MAP3K2: variants seen among roughly 807,000 people sequenced by gnomAD.
MAP3K2 encodes the protein mitogen-activated protein kinase kinase kinase 2.
Under a neutral mutation model 80.3 loss-of-function variants are expected in MAP3K2, and 24 were observed. The observed-to-expected ratio is 0.30, with a 90% CI of 0.22 to 0.42. The LOEUF is 0.42. Among genes scored for constraint, MAP3K2 ranks in the 10% least tolerant of loss-of-function variants. The pLI, the probability that MAP3K2 is intolerant of heterozygous loss-of-function variation, is 1.00. For synonymous variants in MAP3K2, 244 were observed against 253.7 expected (o/e 0.96, Z 0.36); for missense variants, 608 against 750.1 (o/e 0.81, Z 2.21).
intron 16 of MAP3K2, among the ~76,000 whole-genome samples, chr2:127,308,311 T>C (rs1573975395): frequency 6.6e-6 from 1 of 152,228 alleles, no homozygotes; most frequent in East Asian, 1.9e-4. Flanking sequence ...AGTAACTATT[T>C]ATTTACTTCT....
At chr2:127,332,135 A>G (rs770496812) in intron 5 of MAP3K2, among the ~76,000 whole-genome samples, 33 of 152,254 alleles carry the variant, frequency 2.2e-4, no homozygotes, top group Non-Finnish European at 4.4e-4. Context: ...TTGGTATCAT[A>G]GAACAAGCCT....
intron 1 of MAP3K2, among the ~76,000 whole-genome samples, chr2:127,353,843 T>C (rs1453545941): frequency 3.3e-5 from 5 of 152,018 alleles, no homozygotes; most frequent in Non-Finnish European, 5.9e-5. Context: ...GGATGGTTGC[T>C]GTGTCTGTGT....
chr2:127,328,570 A>C (rs1016932061), intron 7 of MAP3K2, among the ~76,000 whole-genome samples: 1 of 152,214 alleles, frequency 6.6e-6, no homozygotes, highest in Non-Finnish European at 1.5e-5. Context: ...TCTTTCACCA[A>C]ATTTTAAAAC....
At chr2:127,327,422 TAGG>T (rs951925670) in intron 7 of MAP3K2, among the ~76,000 whole-genome samples, 1 of 152,158 alleles carries the variant, frequency 6.6e-6, no homozygotes, top group African/African-American at 2.4e-5. Flanking sequence ...GTAAAATGAT[TAGG>T]AGCTCAATTT....
chr2:127,362,569 T>A (rs1686910036), intron 1 of MAP3K2, among the ~76,000 whole-genome samples: 1 of 152,210 alleles, frequency 6.6e-6, no homozygotes, highest in African/African-American at 2.4e-5. Flanking sequence ...AGAACAAATT[T>A]AGACTTTAAA....
chr2:127,386,410 C>T (rs1385674577), intron 1 of MAP3K2, among the ~76,000 whole-genome samples: 1 of 152,148 alleles, frequency 6.6e-6, no homozygotes, highest in Non-Finnish European at 1.5e-5. Flanking sequence ...TGACATCGAA[C>T]TAAAAAAGAT....
chr2:127,368,912 G>C (rs914296843), intron 1 of MAP3K2, among the ~76,000 whole-genome samples: 2 of 151,658 alleles, frequency 1.3e-5, no homozygotes, highest in Non-Finnish European at 2.9e-5. Context: ...CACCCAGCTT[G>C]TTGAATTGTG....
At chr2:127,383,236 A>G (rs564822187) in intron 1 of MAP3K2, among the ~76,000 whole-genome samples, 81 of 152,282 alleles carry the variant, frequency 5.3e-4, no homozygotes, top group African/African-American at 1.8e-3. Flanking sequence ...TTGCATTTCA[A>G]CATGAGACTT....
chr2:127,380,859 GT>G (rs1315985359), intron 1 of MAP3K2, among the ~76,000 whole-genome samples: 2 of 151,998 alleles, frequency 1.3e-5, no homozygotes, highest in Non-Finnish European at 2.9e-5. Flanking sequence ...AAGAGGAAAG[GT>G]TTTTTAAGTT....
At chr2:127,312,609 C>T (rs1685827094) in intron 15 of MAP3K2, among the ~76,000 whole-genome samples, 1 of 151,928 alleles carries the variant, frequency 6.6e-6, no homozygotes, top group African/African-American at 2.4e-5. Flanking sequence ...TTCAGTGAGC[C>T]ATGACAGCAC....
At chr2:127,327,582 T>C (rs1207681719) in intron 7 of MAP3K2, among the ~76,000 whole-genome samples, 1 of 150,670 alleles carries the variant, frequency 6.6e-6, no homozygotes, top group Non-Finnish European at 1.5e-5. Context: ...AAAAAAAAGC[T>C]ATGAAAATTT....
At chr2:127,337,492 T>C (rs1686396483) in intron 4 of MAP3K2, among the ~76,000 whole-genome samples, 1 of 152,212 alleles carries the variant, frequency 6.6e-6, no homozygotes, top group Admixed American at 6.5e-5. Context: ...AAAGGCTGTA[T>C]TAAACAGTGA....
At position 127,321,229 on chromosome 2, in the gene MAP3K2, T is replaced by C. The variant is rs973537251; in HGVS notation, c.1045+817A>G. Among the ~76,000 whole-genome samples, 1 of 152,230 alleles carries C rather than the reference T, an allele frequency of 6.6e-6. No homozygotes were observed. Among genetic ancestry groups the C allele is most frequent in the Non-Finnish European group, 1.5e-5 (1 of 68,032 alleles). On this transcript the variant is annotated intron_variant, in intron 12 of 16. Coordinates refer to ENST00000682094, the MANE Select transcript of MAP3K2 (RefSeq NM_001371910.2). This position sits in a 1 kb window ranked among gnomAD's most constrained non-coding sequence, Gnocchi z 4.4. ...AGTTTTTCAGGCAGAAGGAATTTGA[T>C]ACCCAATAGATCTTGGATCTGTCTT...
At chr2:127,327,311 G>T (rs1370249558) in intron 7 of MAP3K2, among the ~76,000 whole-genome samples, 2 of 152,156 alleles carry the variant, frequency 1.3e-5, no homozygotes, top group Admixed American at 6.5e-5. Context: ...AGGAGTCATT[G>T]TGAGTATATG....
intron 1 of MAP3K2, among the ~76,000 whole-genome samples, chr2:127,375,943 TTA>T (rs1687144919): frequency 2.0e-5 from 3 of 152,174 alleles, no homozygotes; most frequent in Non-Finnish European, 2.9e-5. Context: ...CAAGTTTGTC[TTA>T]TGTTATTTAC....
chr2:127,312,157 A>G (rs1036296072), intron 15 of MAP3K2, among the ~76,000 whole-genome samples: 8 of 152,236 alleles, frequency 5.3e-5, no homozygotes, highest in Admixed American at 2.0e-4. Flanking sequence ...GTTTAATGCA[A>G]TATCTGTTCA....
intron 5 of MAP3K2, among the ~76,000 whole-genome samples, chr2:127,333,559 A>C (rs1686305012): frequency 6.6e-6 from 1 of 152,148 alleles, no homozygotes; most frequent in Admixed American, 6.5e-5. Flanking sequence ...AGTGTCCAAG[A>C]TCATGCATTT....
rs994914838 is a variant in MAP3K2, at chr2:127,321,894, G to A, written c.1045+152C>T. ...TAGCAGTGATACCATGCTTATACCTGACATTCCAACCACCTTTAGAAACAC... is the reference window on the plus strand; with the variant it reads ...TAGCAGTGATACCATGCTTATACCTAACATTCCAACCACCTTTAGAAACAC... On this transcript the variant is annotated intron_variant, in intron 12 of 16. Coordinates refer to ENST00000682094, the MANE Select transcript of MAP3K2 (RefSeq NM_001371910.2). This position sits in a 1 kb window ranked among gnomAD's most constrained non-coding sequence, Gnocchi z 4.4. Among the ~76,000 whole-genome samples the A allele has an allele frequency of 3.3e-5, 5 of 152,144 alleles. No individual in the cohort carries two copies. The highest frequency in any genetic ancestry group is 1.2e-4 in the African/African-American group (5 of 41,430).
intron 1 of MAP3K2, among the ~76,000 whole-genome samples, chr2:127,384,815 AT>A (rs951723488): frequency 5.9e-5 from 9 of 151,640 alleles, no homozygotes; most frequent in African/African-American, 2.2e-4. Context: ...TAACCTCTAT[AT>A]TTTTTTAATG....
Sources: gnomAD v4.1 joint callset for allele counts (sites outside exome capture counted in the v4.1 genomes callset) on GRCh38, gnomAD v4.1.1 for gene constraint, Gnocchi (gnomAD v3.1) non-coding constraint, MANE v1.5 for transcripts, NCBI Gene and HGNC (gene_info 2026-07-23, HGNC 2026-07-21) for gene names.